The following GIPC2 variants were observed in gnomAD, a reference collection of about 807,000 sequenced individuals.
GIPC2 encodes PDZ domain-containing protein GIPC2.
GIPC2 carries 30 observed loss-of-function variants against 30.6 expected under a neutral mutation model. The ratio of observed to expected loss-of-function variants is 0.98; its 90% confidence interval spans 0.73 to 1.33. The LOEUF is 1.33. Ranked by LOEUF, GIPC2 falls within the 40% of genes most tolerant of loss-of-function variation. The pLI, the probability that GIPC2 is intolerant of heterozygous loss-of-function variation, is 0.00. For missense variants in GIPC2, 414 were observed against 390.3 expected (o/e 1.06, Z -0.51); for synonymous variants, 167 against 150.0 (o/e 1.11, Z -0.83).
intron 4 of GIPC2, among the ~76,000 whole-genome samples, chr1:78,121,055 T>G (rs957900085): frequency 3.9e-5 from 6 of 152,214 alleles, no homozygotes; most frequent in African/African-American, 1.4e-4. Context: ...AGTAAACGAT[T>G]CCTTTTAGTT....
chr1:78,094,501 T>C (rs1662100444), intron 2 of GIPC2, among the ~76,000 whole-genome samples: 1 of 152,182 alleles, frequency 6.6e-6, no homozygotes, highest in Non-Finnish European at 1.5e-5. Flanking sequence ...AAATAACAAA[T>C]GTAAAGTGCT....
chr1:78,068,247 C>A (rs1311361156), intron 1 of GIPC2, among the ~76,000 whole-genome samples: 2 of 152,170 alleles, frequency 1.3e-5, no homozygotes, highest in Non-Finnish European at 2.9e-5. Flanking sequence ...TTCTTTCCCC[C>A]ACTGAACATT....
At chr1:78,095,284 C>A in intron 3 of GIPC2, 152 bp downstream of exon 3, 1 of 556,590 alleles carries the variant, frequency 1.8e-6, no homozygotes, top group Non-Finnish European at 3.2e-6. Flanking sequence ...GGTAGCACTA[C>A]TTATAAGAAA....
At chr1:78,098,033 T>G (rs968709206) in intron 3 of GIPC2, among the ~76,000 whole-genome samples, 1 of 152,214 alleles carries the variant, frequency 6.6e-6, no homozygotes, top group African/African-American at 2.4e-5. Context: ...GATGCCCATT[T>G]TGCTATTTCT....
chr1:78,046,467 G>A (rs1661089426), intron 1 of GIPC2, 133 bp downstream of exon 1: 3 of 762,444 alleles, frequency 3.9e-6, no homozygotes, highest in South Asian at 3.2e-5. Flanking sequence ...GAGTCCGCCG[G>A]GGGCGTCCCG....
intron 1 of GIPC2, among the ~76,000 whole-genome samples, chr1:78,061,520 C>G (rs1661392086): frequency 1.3e-5 from 2 of 150,012 alleles, no homozygotes; most frequent in South Asian, 4.2e-4. Context: ...TTTGTTTTTG[C>G]GATGGAGTTT....
At chr1:78,057,194 A>G (rs1260534095) in intron 1 of GIPC2, among the ~76,000 whole-genome samples, 3 of 152,236 alleles carry the variant, frequency 2.0e-5, no homozygotes, top group Admixed American at 2.0e-4. Flanking sequence ...TTCTACTGGA[A>G]TAGACTCCAT....
chr1:78,121,771 C>T (rs960060615), intron 4 of GIPC2, among the ~76,000 whole-genome samples: 2 of 152,144 alleles, frequency 1.3e-5, no homozygotes, highest in African/African-American at 4.8e-5. Flanking sequence ...CCCTCTGTGG[C>T]CCAGCACACT....
chr1:78,130,732 AAAGTT>A lies in GIPC2; in HGVS notation c.796+4772_796+4776del, dbSNP rs563661825. On this transcript the variant is annotated intron_variant, in intron 5 of 5. Coordinates refer to ENST00000370759, the MANE Select transcript of GIPC2 (RefSeq NM_017655.6). ...TTCAGAGAAGTTTGATAACTTGCCCAAAGTTACCTAAGAAGTTAAAAACTAAGATT... is the reference window on the plus strand; with the variant it reads ...TTCAGAGAAGTTTGATAACTTGCCCAACCTAAGAAGTTAAAAACTAAGATT... 2.4e-3 allele frequency among the ~76,000 whole-genome samples: 358 copies of A among 152,320 alleles called. 1 individual carries two copies. The highest frequency in any genetic ancestry group is 8.3e-3 in the African/African-American group (343 of 41,564).
chr1:78,121,289 G>A (rs1662678141), intron 4 of GIPC2, among the ~76,000 whole-genome samples: 1 of 152,204 alleles, frequency 6.6e-6, no homozygotes, highest in African/African-American at 2.4e-5. Flanking sequence ...CAGATGGGAT[G>A]TCGAGCAGGT....
At chr1:78,083,611 T>C (rs1266740049) in intron 2 of GIPC2, among the ~76,000 whole-genome samples, 1 of 152,142 alleles carries the variant, frequency 6.6e-6, no homozygotes, top group African/African-American at 2.4e-5. Context: ...GTTGAAAAAA[T>C]GATGATTTTT....
intron 1 of GIPC2, among the ~76,000 whole-genome samples, chr1:78,071,789 A>G (rs1661624666): frequency 6.6e-6 from 1 of 152,146 alleles, no homozygotes; most frequent in Admixed American, 6.5e-5. Context: ...CATGGGTTAG[A>G]AAAAGCCCGA....
chr1:78,063,667 T>C (rs189801286), intron 1 of GIPC2, among the ~76,000 whole-genome samples: 2 of 151,972 alleles, frequency 1.3e-5, no homozygotes, highest in East Asian at 3.9e-4. Flanking sequence ...GGCAGATCAC[T>C]TGAGGTCAGG....
intron 2 of GIPC2, chr1:78,091,578 A>G: frequency 1.3e-6 from 1 of 759,338 alleles, no homozygotes; most frequent in Non-Finnish European, 2.5e-6. Context: ...CTCTCGGCCA[A>G]GTCCTTCGCG....
intron 1 of GIPC2, among the ~76,000 whole-genome samples, chr1:78,061,550 G>T (rs1253057161): frequency 6.6e-6 from 1 of 151,834 alleles, no homozygotes; most frequent in Non-Finnish European, 1.5e-5. Flanking sequence ...GCCCAGGCTG[G>T]GGTGCAGTGG....
At chr1:78,066,870 T>G (rs1042294236) in intron 1 of GIPC2, among the ~76,000 whole-genome samples, 1 of 152,138 alleles carries the variant, frequency 6.6e-6, no homozygotes, top group Non-Finnish European at 1.5e-5. Flanking sequence ...CAACAGACAC[T>G]GGGGCCTAGT....
chr1:78,115,404 G>A (rs976780490), intron 3 of GIPC2, among the ~76,000 whole-genome samples: 1 of 152,162 alleles, frequency 6.6e-6, no homozygotes, highest in African/African-American at 2.4e-5. Flanking sequence ...GTTGCTTGGT[G>A]AAATTGCAGT....
Position 78,080,806 on chromosome 1 carries a change from G to A in GIPC2, c.372G>A (p.Glu124=). The part of the protein sequence containing the change: ...IEKEVNVYKS[E]DSLGLTITDN... ...AAGAAGTGAATGTGTATAAATCTGA[G>A]GATTCACTTGGTCTCACCATTACAG... is the stretch of plus-strand genomic sequence containing the variant. Residue 124 remains glutamate, a synonymous_variant, in exon 2 of 6, where the codon GAG becomes GAA. Transcript: ENST00000370759. 3 of 1,610,536 alleles carry A rather than the reference G, an allele frequency of 1.9e-6. No homozygotes were observed. The highest frequency in any genetic ancestry group is 2.5e-6 in the Non-Finnish European group (3 of 1,177,298).
intron 4 of GIPC2, among the ~76,000 whole-genome samples, chr1:78,120,851 T>A (rs1662668128): frequency 6.6e-6 from 1 of 152,158 alleles, no homozygotes; most frequent in Admixed American, 6.5e-5. Flanking sequence ...GGAGCTACAA[T>A]TCAAGATGAG....
Sources: gnomAD v4.1 joint callset for allele counts (sites outside exome capture counted in the v4.1 genomes callset) on GRCh38, gnomAD v4.1.1 for gene constraint, MANE v1.5 for transcripts, NCBI Gene and HGNC (gene_info 2026-07-23, HGNC 2026-07-21) for gene names.